The following OTX2 variants were observed in gnomAD, a reference collection of about 807,000 sequenced individuals.
OTX2 encodes the protein orthodenticle homeobox 2.
A neutral mutation model predicts 29.0 loss-of-function variants in OTX2; 4 were observed. That is an observed-to-expected ratio of 0.14 (90% CI 0.07 to 0.32). OTX2 has a LOEUF of 0.32. OTX2 is among the 10% of genes least tolerant of loss of function. The pLI is 1.00. For missense variants in OTX2, 298 were observed against 365.9 expected (o/e 0.81, Z 1.51); for synonymous variants, 134 against 141.0 (o/e 0.95, Z 0.35).
At position 56,800,273 on chromosome 14, in the gene OTX2, TTTTGGAAGTTA is replaced by T. The variant is rs1173998854; in HGVS notation, c.*1451_*1461del. 1 of 59,140 alleles carries T rather than the reference TTTTGGAAGTTA, an allele frequency of 1.7e-5. No individual in the cohort carries two copies. The highest frequency in any genetic ancestry group is 4.5e-5 in the Non-Finnish European group (1 of 22,278). 3.7% of individuals were successfully genotyped at this position (59,140 alleles called of 1,614,324 possible). Reference sequence around the variant, plus strand: ...CACTCCCTCTCATGTTTACCTCAGTTTTTGGAAGTTAAAAAAAAAAAATCCCCTTAATCAAA... The same window carrying T: ...CACTCCCTCTCATGTTTACCTCAGTTAAAAAAAAAAATCCCCTTAATCAAA... On this transcript the variant is annotated 3_prime_UTR_variant, in exon 5 of 5. Coordinates refer to ENST00000672264, the MANE Select transcript of OTX2 (RefSeq NM_021728.4).
chr14:56,801,847 G>A lies in OTX2; in HGVS notation c.782C>T (p.Thr261Ile), dbSNP rs750679604. The change falls in exon 5 of 5, where the codon ACC becomes ATC. Residue 261 changes from threonine (T) to isoleucine (I), a missense_variant. Physicochemically the swap from Thr to Ile is moderately conservative, Grantham distance 89 (BLOSUM62 -1). This residue lies in a region of OTX2 where 219 missense variants were observed against 223.5 expected (regional missense o/e 0.98). Coordinates refer to ENST00000672264, the MANE Select transcript of OTX2 (RefSeq NM_021728.4). This position sits in a 1 kb window ranked among gnomAD's most constrained non-coding sequence, Gnocchi z 4.2. ...GTCCTTATAATCCAAGCAATCAGTG[G>A]TTGAGTTAAAACCCAAGCTTGAAGC... ...YGASSLGFNS[T>I]TDCLDYKDQT... 8.1e-6 allele frequency: 13 copies of A among 1,614,086 alleles called. No individual in the cohort carries two copies. Among genetic ancestry groups the A allele is most frequent in the Middle Eastern group, 1.6e-4 (1 of 6,084 alleles).
intron 2 of OTX2, 44 bp from the exon 3 acceptor site, chr14:56,805,619 C>A: frequency 3.1e-6 from 2 of 653,512 alleles, no homozygotes. Context: ...TGGTTTACTG[C>A]TTCGGAGGCA....
chr14:56,805,269 C>T, intron 3 of OTX2, 91 bp downstream of exon 3: 1 of 881,102 alleles, frequency 1.1e-6, no homozygotes, highest in South Asian at 1.4e-5. Context: ...GTGTGACTGC[C>T]AACCCCCGTG....
At chr14:56,805,255 G>A in intron 3 of OTX2, 105 bp downstream of exon 3, 2 of 772,936 alleles carry the variant, frequency 2.6e-6, no homozygotes, top group South Asian at 1.5e-5. Context: ...GCTGGGTGGG[G>A]ACAGTGTGAC....
chr14:56,805,306 C>A, intron 3 of OTX2, 54 bp downstream of exon 3: 1 of 1,223,844 alleles, frequency 8.2e-7, no homozygotes, highest in Non-Finnish European at 1.2e-6. Flanking sequence ...TGTTGCATCC[C>A]CGGAGGGTGG....
Position 56,805,298 on chromosome 14 carries a change from T to C in OTX2, c.97+62A>G, listed in dbSNP as rs573887410. The C allele has an allele frequency of 3.7e-6, 4 of 1,091,976 alleles. No individual in the cohort carries two copies. In the Admixed American group the frequency reaches 6.9e-5, roughly 19 times the overall value. The allele number at this position is 1,091,976 out of a possible 1,614,324, so 67.6% of individuals were successfully genotyped here. On this transcript the variant is annotated intron_variant, in intron 3 of 4. Transcript: ENST00000672264. ...CCCCGTGTTCCATGGGAACAGGGTG[T>C]TGCATCCCCGGAGGGTGGGCATGGG...
chr14:56,803,036 C>T (rs762150199), intron 4 of OTX2, among the ~76,000 whole-genome samples: 6 of 152,196 alleles, frequency 3.9e-5, no homozygotes, highest in African/African-American at 7.2e-5. Flanking sequence ...CTCTGGGACT[C>T]GAGTCTGTGT....
chr14:56,807,028 A>G (rs1050060829), intron 2 of OTX2, among the ~76,000 whole-genome samples: 12 of 152,186 alleles, frequency 7.9e-5, no homozygotes, highest in Admixed American at 7.2e-4. Context: ...GCAAGGCACA[A>G]AAGTCCATAA....
Position 56,801,601 on chromosome 14 carries a change from A to G in OTX2, c.*134T>C, listed in dbSNP as rs1891877919. On this transcript the variant is annotated 3_prime_UTR_variant, in exon 5 of 5. Coordinates refer to ENST00000672264, the MANE Select transcript of OTX2 (RefSeq NM_021728.4). The surrounding 1 kb of genome is among the most constrained non-coding windows in gnomAD (Gnocchi z 4.2). ...TCTAAGGCCCTTCGTTTTTCCTTCT[A>G]TGCCTCTCGGAACTTTGATCAGATG... The G allele has an allele frequency of 2.9e-6, 3 of 1,029,938 alleles. No individual in the cohort carries two copies. The highest frequency in any genetic ancestry group is 3.2e-5 in the African/African-American group (2 of 62,630). 63.8% of individuals were successfully genotyped at this position (1,029,938 alleles called of 1,614,324 possible).
At chr14:56,807,001 T>C (rs1280091066) in intron 2 of OTX2, among the ~76,000 whole-genome samples, 3 of 152,156 alleles carry the variant, frequency 2.0e-5, no homozygotes, top group Non-Finnish European at 4.4e-5. Context: ...GTTTTCATAT[T>C]TACGTTGCTT....
intron 2 of OTX2, among the ~76,000 whole-genome samples, chr14:56,809,634 C>T (rs892014258): frequency 6.6e-6 from 1 of 152,102 alleles, no homozygotes; most frequent in South Asian, 2.1e-4. Flanking sequence ...CAGGCCGACC[C>T]GCAAGCGAAC....
rs1891987867 is a variant in OTX2 at position 56,804,046 on chromosome 14, A to T, written c.273+142T>A. On this transcript the variant is annotated intron_variant, in intron 4 of 4. Transcript: ENST00000672264. The surrounding 1 kb of genome is among the most constrained non-coding windows in gnomAD (Gnocchi z 4.1). ...GGCAGGCAAAAAAGGGCAGAAGGAGAATAGTTTCCTGGCCCCTTAGTGAGT... is the reference window on the plus strand; with the variant it reads ...GGCAGGCAAAAAAGGGCAGAAGGAGTATAGTTTCCTGGCCCCTTAGTGAGT... 1.0e-6 allele frequency: 1 copy of T among 991,566 alleles called. No individual in the cohort carries two copies. Among genetic ancestry groups the T allele is most frequent in the Admixed American group, 2.0e-5 (1 of 49,948 alleles). The allele number at this position is 991,566 out of a possible 1,614,324, so 61.4% of individuals were successfully genotyped here. A position where few individuals can be genotyped will look rare whatever the true frequency, so the allele number is the denominator to read the frequency against.
chr14:56,804,496 C>A lies in OTX2; in HGVS notation c.98-133G>T. 8 of 825,140 alleles carry A rather than the reference C, an allele frequency of 9.7e-6. No individual in the cohort carries two copies. The highest frequency in any genetic ancestry group is 1.5e-5 in the Non-Finnish European group (8 of 538,866). The allele number at this position is 825,140 out of a possible 1,614,324, so 51.1% of individuals were successfully genotyped here. A position where few individuals can be genotyped will look rare whatever the true frequency, so the allele number is the denominator to read the frequency against. On this transcript the variant is annotated intron_variant, in intron 3 of 4. Transcript: ENST00000672264. The surrounding 1 kb of genome is among the most constrained non-coding windows in gnomAD (Gnocchi z 4.1). ...GGGAGCCTACCAATGCTCTCCCCAC[C>A]GTCTCCCCAGCCTTGCTCCCCGGGG...
In OTX2 at chr14:56,802,231, C is replaced by G; in HGVS notation, c.398G>C (p.Ser133Thr). The G allele has an allele frequency of 1.2e-6, 2 of 1,614,172 alleles. No homozygotes were observed. The highest frequency in any genetic ancestry group is 1.7e-6 in the Non-Finnish European group (2 of 1,180,040). ...GGGAGTGAATTGGCCACTTGTTCCA[C>G]TCTCTGAACTCACTTCCCGAGCTGG... The part of the protein sequence containing the change: ...TSPAREVSSE[S>T]GTSGQFTPPS... Residue 133 changes from serine (S) to threonine (T), a missense_variant, in exon 5 of 5, where the codon AGT becomes ACT. Transcript: ENST00000672264. The surrounding 1 kb of genome is among the most constrained non-coding windows in gnomAD (Gnocchi z 4.4).
chr14:56,801,916 T>C lies in OTX2; in HGVS notation c.713A>G (p.His238Arg), dbSNP rs144449264. 6.2e-7 allele frequency: 1 copy of C among 1,614,226 alleles called. No individual in the cohort carries two copies. Among genetic ancestry groups the C allele is most frequent in the Non-Finnish European group, 8.5e-7 (1 of 1,180,042 alleles). ...SPMGTNAVTS[H>R]LNQSPASLST... The stretch of plus-strand genomic sequence containing the variant: ...AAGAGAAGCTGGGGACTGATTGAGA[T>C]GGCTGGTGACTGCATTGGTACCCAT... The change falls in exon 5 of 5, where the codon CAT becomes CGT. Residue 238 changes from histidine (H) to arginine (R), a missense_variant. By Grantham distance (29) the His-to-Arg change is conservative. Transcript: ENST00000672264. The surrounding 1 kb of genome is among the most constrained non-coding windows in gnomAD (Gnocchi z 4.2).
At position 56,802,615 on chromosome 14, in the gene OTX2, G is replaced by A. The variant is rs1343719793; in HGVS notation, c.274-260C>T. On this transcript the variant is annotated intron_variant, in intron 4 of 4. Coordinates refer to ENST00000672264, the MANE Select transcript of OTX2 (RefSeq NM_021728.4). This position sits in a 1 kb window ranked among gnomAD's most constrained non-coding sequence, Gnocchi z 4.4. ...TTAAGATAATCCCCCAAATCATATA[G>A]CTAAAAACTCTCCACATCACTTTCC... is the stretch of plus-strand genomic sequence containing the variant. 2.0e-5 allele frequency among the ~76,000 whole-genome samples: 3 copies of A among 152,072 alleles called. No individual in the cohort carries two copies. The highest frequency in any genetic ancestry group is 2.9e-5 in the Non-Finnish European group (2 of 68,006).
At position 56,801,308 on chromosome 14, in the gene OTX2, C is replaced by T. The variant is rs761387465; in HGVS notation, c.*427G>A. 7 of 229,420 alleles carry T rather than the reference C, an allele frequency of 3.1e-5. No homozygotes were observed. The highest frequency in any genetic ancestry group is 1.4e-4 in the South Asian group (2 of 13,916). The allele number at this position is 229,420 out of a possible 1,614,324, so 14.2% of individuals were successfully genotyped here. On this transcript the variant is annotated 3_prime_UTR_variant, in exon 5 of 5. Transcript: ENST00000672264. The surrounding 1 kb of genome is among the most constrained non-coding windows in gnomAD (Gnocchi z 4.2). ...TGCCAACTACCAGTTGGTCATGAAA[C>T]GTGAATGAGCTTGAGACACTGTTCA... is the stretch of plus-strand genomic sequence containing the variant.
intron 2 of OTX2, among the ~76,000 whole-genome samples, chr14:56,809,612 C>A (rs1892208532): frequency 6.6e-6 from 1 of 152,184 alleles, no homozygotes; most frequent in African/African-American, 2.4e-5. Flanking sequence ...GCTCGAGCGG[C>A]GGCCCCCGGC....
intron 2 of OTX2, among the ~76,000 whole-genome samples, chr14:56,806,230 A>G (rs938047274): frequency 3.3e-5 from 5 of 152,208 alleles, no homozygotes; most frequent in Admixed American, 6.5e-5. Flanking sequence ...ATTATTCCAC[A>G]TTTGAAGTCA....
Sources: gnomAD v4.1 joint callset for allele counts (sites outside exome capture counted in the v4.1 genomes callset) on GRCh38, gnomAD v4.1.1 for gene constraint, gnomAD v4.1.1 regional missense constraint, Gnocchi (gnomAD v3.1) non-coding constraint, MANE v1.5 for transcripts, NCBI Gene and HGNC (gene_info 2026-07-23, HGNC 2026-07-21) for gene names.